Variants in ZNRF3 observed in about 807,000 individuals in gnomAD.
The protein encoded by ZNRF3 is zinc and ring finger 3, also known as E3 ubiquitin-protein ligase ZNRF3.
A neutral mutation model predicts 72.5 loss-of-function variants in ZNRF3; 23 were observed. The ratio of observed to expected loss-of-function variants is 0.32; its 90% CI spans 0.23 to 0.45. The LOEUF (loss-of-function observed/expected upper bound fraction) is 0.45, where lower values mean the gene tolerates loss of function less well. Among genes scored for constraint, ZNRF3 ranks in the 20% least tolerant of loss-of-function variants. ZNRF3 has a pLI of 1.00. For synonymous variants in ZNRF3, 610 were observed against 545.3 expected, an observed-to-expected ratio of 1.12 and a Z score of -1.65; for missense variants, 1,169 against 1,272.1, an observed-to-expected ratio of 0.92 and a Z score of 1.23.
At chr22:29,007,697 T>C (rs2036279852) in intron 2 of ZNRF3, among the ~76,000 whole-genome samples, 1 of 151,596 alleles carries the variant, frequency 6.6e-6, no homozygotes, top group African/African-American at 2.4e-5. Context: ...ATTTTTATCA[T>C]AGCTCCCCTT....
intron 8 of ZNRF3, among the ~76,000 whole-genome samples, chr22:29,053,157 CTTAGG>C (rs571524524): frequency 1.6e-4 from 25 of 152,114 alleles, no homozygotes; most frequent in Non-Finnish European, 2.4e-4. Context: ...TCCTCCAGAT[CTTAGG>C]TTAGGTAACA....
In ZNRF3 at chr22:29,008,990, CTT is replaced by C. The variant is rs559490128; in HGVS notation, c.426+21794_426+21795del. Among the ~76,000 whole-genome samples the C allele has an allele frequency of 2.0e-5, 3 of 152,274 alleles. No individual in the cohort carries two copies. The East Asian group carries it at 5.8e-4, about 29-fold the overall frequency. ...TCTCAAAACTAGAGCTATCCAAACT[CTT>C]TTTTGCTCTGGTTGCCCTGGTCCCT... On this transcript the variant is annotated intron_variant, in intron 2 of 8. Transcript: ENST00000544604.
chr22:28,949,975 G>A (rs1362593815), intron 1 of ZNRF3, among the ~76,000 whole-genome samples: 2 of 151,208 alleles, frequency 1.3e-5, no homozygotes, highest in Non-Finnish European at 2.9e-5. Context: ...TTTTTTTAAT[G>A]TACTCAAGGG....
intron 1 of ZNRF3, among the ~76,000 whole-genome samples, chr22:28,923,638 C>T (rs974620273): frequency 6.6e-6 from 1 of 152,192 alleles, no homozygotes; most frequent in Non-Finnish European, 1.5e-5. Context: ...CCGCTTGTTT[C>T]ACTTACACCC....
At chr22:28,956,189 G>A (rs1201461138) in intron 1 of ZNRF3, among the ~76,000 whole-genome samples, 8 of 152,026 alleles carry the variant, frequency 5.3e-5, no homozygotes, top group Non-Finnish European at 7.4e-5. Context: ...GATGGGAGTA[G>A]GCTAGTAATG....
intron 1 of ZNRF3, among the ~76,000 whole-genome samples, chr22:28,984,260 G>A (rs1311209920): frequency 6.6e-6 from 1 of 151,924 alleles, no homozygotes; most frequent in Non-Finnish European, 1.5e-5. Context: ...GTTCCAGAAC[G>A]TTTTCATCAC....
intron 1 of ZNRF3, among the ~76,000 whole-genome samples, chr22:28,927,827 T>C (rs142691646): frequency 3.0e-4 from 45 of 152,364 alleles, no homozygotes; most frequent in African/African-American, 9.6e-4. Flanking sequence ...TGTGTCTATA[T>C]GTGTGCATGC....
intron 1 of ZNRF3, among the ~76,000 whole-genome samples, chr22:28,937,841 C>T (rs1262812657): frequency 6.6e-6 from 1 of 152,152 alleles, no homozygotes; most frequent in Non-Finnish European, 1.5e-5. Context: ...TAGTTTTGTG[C>T]TGTACATAGC....
chr22:28,994,742 A>G (rs958325071), intron 2 of ZNRF3, among the ~76,000 whole-genome samples: 1 of 152,174 alleles, frequency 6.6e-6, no homozygotes, highest in Non-Finnish European at 1.5e-5. Context: ...CATGTTATGT[A>G]TATTTTACCA....
intron 1 of ZNRF3, among the ~76,000 whole-genome samples, chr22:28,947,853 CT>C (rs34154639): frequency 3.3e-5 from 5 of 150,648 alleles, no homozygotes; most frequent in Admixed American, 6.6e-5. Context: ...ACAAAAATAA[CT>C]TTTTTTTTTG....
chr22:28,926,949 C>T, intron 1 of ZNRF3, among the ~76,000 whole-genome samples: 1 of 151,658 alleles, frequency 6.6e-6, no homozygotes, highest in East Asian at 1.9e-4. Flanking sequence ...TGGTGAAACC[C>T]TGTCTCTACT....
rs1226293824 is a variant in ZNRF3, at chr22:29,054,737, G to A, written c.*1115G>A. On this transcript the variant is annotated 3_prime_UTR_variant, in exon 9 of 9. Coordinates refer to ENST00000544604, the MANE Select transcript of ZNRF3 (RefSeq NM_001206998.2). ...TGTGCAGTGCGCCTGCATCTGTGTGGGGGCAGCCACACCCCTTGGCTGCTG... is the reference window on the plus strand; with the variant it reads ...TGTGCAGTGCGCCTGCATCTGTGTGAGGGCAGCCACACCCCTTGGCTGCTG... 1.3e-5 allele frequency: 2 copies of A among 152,830 alleles called. No homozygotes were observed. The highest frequency in any genetic ancestry group is 6.5e-5 in the Admixed American group (1 of 15,280). The allele number at this position is 152,830 out of a possible 1,614,324, so 9.5% of individuals were successfully genotyped here. A position where few individuals can be genotyped will look rare whatever the true frequency, so the allele number is the denominator to read the frequency against.
rs1182525007 is a variant in ZNRF3 at position 29,048,363 on chromosome 22, C to T, written c.913-26C>T. 16 of 1,603,534 alleles carry T rather than the reference C, an allele frequency of 1.0e-5. No homozygotes were observed. The highest frequency in any genetic ancestry group is 9.4e-5 in the African/African-American group (7 of 74,770). ...ACACACCTGCGAGGCTGAAGGCAGA[C>T]TTGTGTCCCCTCTCTCCCTGCCCAG... On this transcript the variant is annotated intron_variant, in intron 6 of 8. Transcript: ENST00000544604. The surrounding 1 kb of genome is among the most constrained non-coding windows in gnomAD (Gnocchi z 4.9).
At position 28,983,408 on chromosome 22, in the gene ZNRF3, G is replaced by A. The variant is rs181873123; in HGVS notation, c.301-3668G>A. On this transcript the variant is annotated intron_variant, in intron 1 of 8. Coordinates refer to ENST00000544604, the MANE Select transcript of ZNRF3 (RefSeq NM_001206998.2). ...CTCTCCACATGCCTTTCCTGAGGCCGTGTGTTCTGCTCCTCCAAGAGAGTA... is the reference window on the plus strand; with the variant it reads ...CTCTCCACATGCCTTTCCTGAGGCCATGTGTTCTGCTCCTCCAAGAGAGTA... Among the ~76,000 whole-genome samples, 30 of 152,298 alleles carry A rather than the reference G, an allele frequency of 2.0e-4. No individual in the cohort carries two copies. In the East Asian group the frequency reaches 5.6e-3, roughly 28 times the overall value.
At chr22:28,888,992 G>GT (rs1249157060) in intron 1 of ZNRF3, among the ~76,000 whole-genome samples, 2 of 152,170 alleles carry the variant, frequency 1.3e-5, no homozygotes. Flanking sequence ...GCACATGCCT[G>GT]TAATCCCAGC....
intron 1 of ZNRF3, among the ~76,000 whole-genome samples, chr22:28,935,409 C>T (rs1312382696): frequency 6.6e-6 from 1 of 152,186 alleles, no homozygotes; most frequent in East Asian, 1.9e-4. Flanking sequence ...CCAGTCATTC[C>T]TCTCTGCCCT....
intron 2 of ZNRF3, among the ~76,000 whole-genome samples, chr22:29,012,650 C>T (rs1238706609): frequency 1.3e-5 from 2 of 152,168 alleles, no homozygotes; most frequent in Non-Finnish European, 2.9e-5. Flanking sequence ...GGAAGGGCCC[C>T]CATCGAGGGC....
intron 1 of ZNRF3, among the ~76,000 whole-genome samples, chr22:28,955,043 T>TTG (rs1555973675): frequency 6.8e-6 from 1 of 148,114 alleles, no homozygotes; most frequent in Non-Finnish European, 1.5e-5. Context: ...TTTTTTTTTT[T>TTG]TTGTTTTTTT....
chr22:28,987,067 A>G lies in ZNRF3; in HGVS notation c.301-9A>G. On this transcript the variant is annotated splice_polypyrimidine_tract_variant and intron_variant, in intron 1 of 8. Transcript: ENST00000544604. ...CCTGCTGAAGTTTTCTTTCCATTTT[A>G]TTTCCTAGATGCACCCACTGGGCCT... 2.5e-6 allele frequency: 4 copies of G among 1,603,824 alleles called. No individual in the cohort carries two copies. The highest frequency in any genetic ancestry group is 3.4e-6 in the Non-Finnish European group (4 of 1,176,004).
Sources: gnomAD v4.1 joint callset for allele counts (sites outside exome capture counted in the v4.1 genomes callset) on GRCh38, gnomAD v4.1.1 for gene constraint, Gnocchi (gnomAD v3.1) non-coding constraint, MANE v1.5 for transcripts, NCBI Gene and HGNC (gene_info 2026-07-23, HGNC 2026-07-21) for gene names.